SUPT3H: variants seen among roughly 807,000 people sequenced by gnomAD.
SUPT3H encodes SPT3 homolog, SAGA and STAGA complex component.
In SUPT3H, 44 loss-of-function variants were observed where a neutral mutation model predicts 44.3. That is an observed-to-expected ratio of 0.99 (90% CI 0.78 to 1.28). The LOEUF (loss-of-function observed/expected upper bound fraction) is 1.28. Among genes scored for constraint, SUPT3H ranks in the 50% most tolerant of loss-of-function variants. SUPT3H has a pLI of 0.00. For synonymous variants in SUPT3H, 124 were observed against 125.6 expected, an observed-to-expected ratio of 0.99 and a Z score of 0.09; for missense variants, 380 against 387.1, an observed-to-expected ratio of 0.98 and a Z score of 0.15.
At chr6:45,259,128 G>A (rs909280181) in intron 2 of SUPT3H, among the ~76,000 whole-genome samples, 1 of 152,028 alleles carries the variant, frequency 6.6e-6, no homozygotes, top group African/African-American at 2.4e-5. Flanking sequence ...AAATGATGCA[G>A]TACACTTTAG....
chr6:45,313,307 G>A (rs1169954090), intron 2 of SUPT3H, among the ~76,000 whole-genome samples: 2 of 151,748 alleles, frequency 1.3e-5, no homozygotes, highest in East Asian at 3.9e-4. Context: ...AAACAAAATT[G>A]AAACAAACAA....
intron 2 of SUPT3H, among the ~76,000 whole-genome samples, chr6:45,307,104 T>A (rs1269277335): frequency 3.3e-5 from 5 of 152,034 alleles, no homozygotes; most frequent in Non-Finnish European, 7.4e-5. Flanking sequence ...CTTGAGTAGG[T>A]AAACAAAGCC....
At chr6:45,231,716 G>C (rs1029836719) in intron 2 of SUPT3H, among the ~76,000 whole-genome samples, 2 of 152,014 alleles carry the variant, frequency 1.3e-5, no homozygotes, top group African/African-American at 2.4e-5. Flanking sequence ...TCAACCTTCA[G>C]GGATACTAAT....
intron 1 of SUPT3H, among the ~76,000 whole-genome samples, chr6:45,366,381 G>A (rs952292005): frequency 2.6e-5 from 4 of 152,102 alleles, no homozygotes; most frequent in African/African-American, 7.2e-5. Context: ...AAATGGCAAC[G>A]ATAATCTCAC....
chr6:45,032,351 T>A (rs1787072753), intron 3 of SUPT3H, among the ~76,000 whole-genome samples: 1 of 152,156 alleles, frequency 6.6e-6, no homozygotes, highest in Non-Finnish European at 1.5e-5. Flanking sequence ...ACAGATTTTA[T>A]TACACTTACA....
intron 2 of SUPT3H, among the ~76,000 whole-genome samples, chr6:45,301,021 A>G (rs1257468275): frequency 6.6e-6 from 1 of 152,210 alleles, no homozygotes; most frequent in East Asian, 1.9e-4. Context: ...TTATACCCTT[A>G]TATCAACCAG....
intron 10 of SUPT3H, among the ~76,000 whole-genome samples, chr6:44,912,518 TGGA>T (rs1378634904): frequency 6.6e-6 from 1 of 152,190 alleles, no homozygotes; most frequent in Non-Finnish European, 1.5e-5. Context: ...GTAAGAGATG[TGGA>T]GAAGTGGAAC....
At position 44,886,394 on chromosome 6, in the gene SUPT3H, GC is replaced by G. The variant is rs552591756; in HGVS notation, c.912+46258del. Among the ~76,000 whole-genome samples, 992 of 152,300 alleles carry G rather than the reference GC, an allele frequency of 6.5e-3. 13 individuals are homozygous for G. The highest frequency in any genetic ancestry group is 0.023 in the African/African-American group (937 of 41,560). ...AAGGTCGGGTTACCCACAAAGGGAA[GC>G]CCATCAGACTGACAGCTGATCTCTC... On this transcript the variant is annotated intron_variant, in intron 10 of 10. Coordinates refer to ENST00000371459, the MANE Select transcript of SUPT3H (RefSeq NM_003599.4).
chr6:44,951,617 CAGA>C (rs1404065786), intron 9 of SUPT3H, among the ~76,000 whole-genome samples: 1 of 152,138 alleles, frequency 6.6e-6, no homozygotes, highest in African/African-American at 2.4e-5. Flanking sequence ...TCCCACCTCC[CAGA>C]GAGCCCAGGA....
In SUPT3H at chr6:45,084,773, A is replaced by G. The variant is rs188323429; in HGVS notation, c.186+21149T>C. On this transcript the variant is annotated intron_variant, in intron 3 of 10. Coordinates refer to ENST00000371459, the MANE Select transcript of SUPT3H (RefSeq NM_003599.4). ...TGTTACATACACACCACGAAATCCT[A>G]TGCAGCCATAAAAAAGAATGAAATC... 2.1e-3 allele frequency among the ~76,000 whole-genome samples: 326 copies of G among 152,342 alleles called. 1 individual carries two copies. Among genetic ancestry groups the G allele is most frequent in the African/African-American group, 7.5e-3 (312 of 41,592 alleles).
intron 3 of SUPT3H, among the ~76,000 whole-genome samples, chr6:45,064,545 G>A (rs1384219146): frequency 7.2e-6 from 1 of 138,506 alleles, no homozygotes; most frequent in Non-Finnish European, 1.6e-5. Context: ...ACCCATCAGT[G>A]TGCTGTATTC....
intron 2 of SUPT3H, among the ~76,000 whole-genome samples, chr6:45,358,748 C>G (rs116715972): frequency 0.01 from 1,598 of 152,202 alleles, 30 homozygotes; most frequent in African/African-American, 0.036. Context: ...TAATACTGTA[C>G]ATAAATCACA....
chr6:45,158,298 A>ATATTTTTT, intron 2 of SUPT3H, among the ~76,000 whole-genome samples: 1 of 99,692 alleles, frequency 1.0e-5, no homozygotes, highest in Non-Finnish European at 1.7e-5. Flanking sequence ...ATATATATAT[A>ATATTTTTT]TTTTTTTTTT....
intron 3 of SUPT3H, among the ~76,000 whole-genome samples, chr6:45,069,837 C>T (rs1007966073): frequency 2.0e-5 from 3 of 148,690 alleles, no homozygotes; most frequent in African/African-American, 7.4e-5. Flanking sequence ...TTCTGCAGGT[C>T]TCAGATAACT....
intron 2 of SUPT3H, among the ~76,000 whole-genome samples, chr6:45,219,000 T>C (rs1187959426): frequency 1.3e-5 from 2 of 152,138 alleles, no homozygotes; most frequent in African/African-American, 4.8e-5. Flanking sequence ...AGCACACTTC[T>C]AAATAATCCA....
intron 10 of SUPT3H, among the ~76,000 whole-genome samples, chr6:44,889,720 A>G (rs1762967160): frequency 6.6e-6 from 1 of 152,202 alleles, no homozygotes; most frequent in Admixed American, 6.5e-5. Context: ...TTCATGTCTA[A>G]AACACCAAAA....
At position 45,105,240 on chromosome 6, in the gene SUPT3H, A is replaced by G. The variant is rs191354344; in HGVS notation, c.186+682T>C. On this transcript the variant is annotated intron_variant, in intron 3 of 10. Transcript: ENST00000371459. The stretch of plus-strand genomic sequence containing the variant: ...TAAAATTAGATCCATATCTCACAAA[A>G]TAACAGGAATAAACAACAACTATAT... 3.9e-5 allele frequency among the ~76,000 whole-genome samples: 6 copies of G among 152,218 alleles called. No homozygotes were observed. In the East Asian group the frequency reaches 1.2e-3, roughly 29 times the overall value.
At chr6:44,921,295 C>T (rs1011595125) in intron 10 of SUPT3H, among the ~76,000 whole-genome samples, 2 of 152,134 alleles carry the variant, frequency 1.3e-5, no homozygotes, top group Non-Finnish European at 2.9e-5. Flanking sequence ...CCTTTGTATG[C>T]GAAGTGTGCT....
At chr6:44,999,313 C>G (rs1781697539) in intron 6 of SUPT3H, among the ~76,000 whole-genome samples, 1 of 151,986 alleles carries the variant, frequency 6.6e-6, no homozygotes, top group Non-Finnish European at 1.5e-5. Context: ...CTATGTTGCC[C>G]AGGTTGGACT....
Sources: allele counts gnomAD v4.1 joint callset (sites outside exome capture counted in the v4.1 genomes callset), GRCh38; gene constraint gnomAD v4.1.1; transcripts MANE v1.5; gene names NCBI Gene and HGNC (gene_info 2026-07-23, HGNC 2026-07-21).